The following LSAMP variants were observed in gnomAD, a reference collection of about 807,000 sequenced individuals.
LSAMP encodes the protein limbic system-associated membrane protein.
In LSAMP, 7 loss-of-function variants were observed where a neutral mutation model predicts 38.6. That is an observed-to-expected ratio of 0.18 (90% CI 0.10 to 0.34). LSAMP has a LOEUF of 0.34. LSAMP is among the 10% of genes least tolerant of loss of function. The pLI is 1.00. For synonymous variants in LSAMP, 154 were observed against 166.8 expected (o/e 0.92, Z 0.59); for missense variants, 313 against 420.0 (o/e 0.75, Z 2.23).
intron 1 of LSAMP, among the ~76,000 whole-genome samples, chr3:116,116,165 A>G (rs1294261205): frequency 2.2e-5 from 3 of 135,340 alleles, no homozygotes; most frequent in Non-Finnish European, 4.8e-5. Context: ...CAGCTTTTAT[A>G]TCATTATGTC....
At chr3:116,076,863 GTTTA>G (rs1308062368) in intron 2 of LSAMP, among the ~76,000 whole-genome samples, 1 of 151,784 alleles carries the variant, frequency 6.6e-6, no homozygotes, top group African/African-American at 2.4e-5. Flanking sequence ...TCTCTCCATT[GTTTA>G]TTTAATTTAT....
At position 115,842,530 on chromosome 3, in the gene LSAMP, C is replaced by T. The variant is rs1157858647; in HGVS notation, c.698G>A (p.Arg233Gln). Residue 233 changes from arginine (R) to glutamine (Q), a missense_variant, in exon 5 of 7, where the codon CGA becomes CAA. Arg to Gln is a conservative substitution (Grantham distance 43). Coordinates refer to ENST00000490035, the MANE Select transcript of LSAMP (RefSeq NM_002338.5). ...GGCCTCACATTTGAGTGAAGCTTGT[C>T]GTCCTGTGGTGGCTTCATTGCTCTT... ...ESKSNEATTG[R>Q]QASLKCEASA... 13 of 1,613,664 alleles carry T rather than the reference C, an allele frequency of 8.1e-6. No homozygotes were observed. Among genetic ancestry groups the T allele is most frequent in the African/African-American group, 2.7e-5 (2 of 74,890 alleles).
intron 2 of LSAMP, among the ~76,000 whole-genome samples, chr3:116,083,863 A>T (rs944731611): frequency 6.6e-6 from 1 of 152,188 alleles, no homozygotes; most frequent in African/African-American, 2.4e-5. Context: ...TGAATGCCCC[A>T]AGGGGAAGTG....
intron 1 of LSAMP, among the ~76,000 whole-genome samples, chr3:116,134,215 TAATC>T (rs1459273605): frequency 1.3e-5 from 2 of 152,220 alleles, no homozygotes; most frequent in Non-Finnish European, 2.9e-5. Context: ...TTTGTGAAAT[TAATC>T]AGCATATCCA....
rs71323419 is a variant in LSAMP at position 115,886,133 on chromosome 3, C to T, written c.515-33516G>A. ...AAGAAAGAACTTGCCCTTCCTCTGC[C>T]TTTTCATACTAATCCATATCAGTGA... On this transcript the variant is annotated intron_variant, in intron 3 of 6. Transcript: ENST00000490035. Among the ~76,000 whole-genome samples, 991 of 152,024 alleles carry T rather than the reference C, an allele frequency of 6.5e-3. 4 individuals carry two copies. The highest frequency in any genetic ancestry group is 0.011 in the Non-Finnish European group (773 of 67,912).
intron 1 of LSAMP, among the ~76,000 whole-genome samples, chr3:116,289,357 T>A (rs1055855967): frequency 2.0e-5 from 3 of 152,248 alleles, no homozygotes; most frequent in Non-Finnish European, 4.4e-5. Context: ...CTAAAACCTG[T>A]TTAATTTGCT....
intron 1 of LSAMP, among the ~76,000 whole-genome samples, chr3:116,290,767 TAATAATAA>T (rs939203358): frequency 2.2e-5 from 3 of 133,490 alleles, no homozygotes; most frequent in African/African-American, 5.9e-5. Flanking sequence ...ATAATAATAA[TAATAATAA>T]AATAAACTTT....
intron 3 of LSAMP, among the ~76,000 whole-genome samples, chr3:115,925,255 CA>C (rs1304837532): frequency 6.6e-6 from 1 of 152,104 alleles, no homozygotes; most frequent in Non-Finnish European, 1.5e-5. Flanking sequence ...GGGACAAAGT[CA>C]AATGTAAAAA....
chr3:115,978,436 T>G (rs1209586218), intron 3 of LSAMP, among the ~76,000 whole-genome samples: 2 of 152,002 alleles, frequency 1.3e-5, no homozygotes, highest in Non-Finnish European at 1.5e-5. Context: ...AACATTCTAA[T>G]CCAGTACTCT....
intron 3 of LSAMP, among the ~76,000 whole-genome samples, chr3:115,913,284 A>G (rs1422697530): frequency 6.6e-6 from 1 of 152,244 alleles, no homozygotes; most frequent in Non-Finnish European, 1.5e-5. Context: ...GAGAGAATGT[A>G]AATGATACTA....
At chr3:116,142,387 C>A (rs977743743) in intron 1 of LSAMP, among the ~76,000 whole-genome samples, 1 of 151,986 alleles carries the variant, frequency 6.6e-6, no homozygotes. Context: ...TCTTGTTCCA[C>A]CTGTAATCTG....
intron 1 of LSAMP, among the ~76,000 whole-genome samples, chr3:116,118,517 T>G (rs557111050): frequency 2.3e-4 from 35 of 152,330 alleles, no homozygotes; most frequent in African/African-American, 7.9e-4. Flanking sequence ...TTCTTGTATA[T>G]TTGTCTTTAG....
In LSAMP at chr3:116,012,859, G is replaced by A. The variant is rs775824158; in HGVS notation, c.514+6656C>T. Among the ~76,000 whole-genome samples, 79 of 152,116 alleles carry A rather than the reference G, an allele frequency of 5.2e-4. 1 individual carries two copies. The highest frequency in any genetic ancestry group is 8.8e-4 in the Non-Finnish European group (60 of 68,008). ...ATACTGCACCAAGAACTTTGCCTAC[G>A]TATTATTTTAATTTTCAGGATAATA... On this transcript the variant is annotated intron_variant, in intron 3 of 6. Transcript: ENST00000490035.
At chr3:115,823,853 A>G (rs1011849107) in intron 6 of LSAMP, among the ~76,000 whole-genome samples, 6 of 152,236 alleles carry the variant, frequency 3.9e-5, no homozygotes, top group Non-Finnish European at 8.8e-5. Flanking sequence ...AAAAAATGTT[A>G]TCATACAGGT....
chr3:116,366,831 A>C (rs988803), intron 1 of LSAMP, among the ~76,000 whole-genome samples: 7 of 151,932 alleles, frequency 4.6e-5, no homozygotes, highest in African/African-American at 1.7e-4. Context: ...TTGGACATTT[A>C]ATAATATTTT....
At chr3:115,942,758 C>A (rs1937966636) in intron 3 of LSAMP, among the ~76,000 whole-genome samples, 1 of 152,060 alleles carries the variant, frequency 6.6e-6, no homozygotes, top group African/African-American at 2.4e-5. Flanking sequence ...TAAAGCTTGC[C>A]AGTAAATTTT....
At chr3:116,312,112 T>C (rs188228902) in intron 1 of LSAMP, among the ~76,000 whole-genome samples, 26 of 152,226 alleles carry the variant, frequency 1.7e-4, no homozygotes, top group African/African-American at 6.0e-4. Flanking sequence ...TAGAAAAAGG[T>C]GGTATTGATC....
rs561203118 is a variant in LSAMP, at chr3:116,230,822, C to T, written c.156-144266G>A. ...TGCCTTTATACTCAGGGTGATAATG[C>T]TGCAAGTAAAAATTAATTAAAATGA... On this transcript the variant is annotated intron_variant, in intron 1 of 6. Transcript: ENST00000490035. 7.9e-5 allele frequency among the ~76,000 whole-genome samples: 12 copies of T among 152,052 alleles called. 1 individual carries two copies. In the South Asian group the frequency reaches 2.5e-3, roughly 32 times the overall value.
At chr3:116,130,980 T>G (rs894302808) in intron 1 of LSAMP, among the ~76,000 whole-genome samples, 1 of 147,728 alleles carries the variant, frequency 6.8e-6, no homozygotes, top group Non-Finnish European at 1.5e-5. Context: ...CTGTTTAAGG[T>G]TCCACACTTT....
Sources: gnomAD v4.1 joint callset for allele counts (sites outside exome capture counted in the v4.1 genomes callset) on GRCh38, gnomAD v4.1.1 for gene constraint, MANE v1.5 for transcripts, NCBI Gene and HGNC (gene_info 2026-07-23, HGNC 2026-07-21) for gene names.